The following RIMS2 variants were observed in gnomAD, a reference collection of about 807,000 sequenced individuals.
The protein encoded by RIMS2 is regulating synaptic membrane exocytosis 2.
Under a neutral mutation model 174.4 loss-of-function variants are expected in RIMS2, and 59 were observed. The ratio of observed to expected loss-of-function variants is 0.34; its 90% CI spans 0.27 to 0.42. The LOEUF (loss-of-function observed/expected upper bound fraction) is 0.42, where lower values mean the gene tolerates loss of function less well. RIMS2 is among the 10% of genes least tolerant of loss of function. RIMS2 has a pLI of 1.00. For missense variants in RIMS2, 1,620 were observed against 1,666.3 expected (o/e 0.97, Z 0.48); for synonymous variants, 606 against 572.5 (o/e 1.06, Z -0.84).
intron 16 of RIMS2, among the ~76,000 whole-genome samples, chr8:103,978,733 T>G (rs78686764): frequency 0.029 from 4,415 of 152,214 alleles, 89 homozygotes; most frequent in Non-Finnish European, 0.041. Flanking sequence ...AAGAAAGAAA[T>G]AAACAATTGT....
At chr8:103,972,244 A>T (rs944242620) in intron 15 of RIMS2, among the ~76,000 whole-genome samples, 1 of 152,096 alleles carries the variant, frequency 6.6e-6, no homozygotes, top group Non-Finnish European at 1.5e-5. Flanking sequence ...CCACCAAACC[A>T]TGTCATTTGA....
At chr8:103,961,877 C>A (rs1051142857) in intron 15 of RIMS2, among the ~76,000 whole-genome samples, 1 of 152,048 alleles carries the variant, frequency 6.6e-6, no homozygotes, top group East Asian at 1.9e-4. Context: ...AGTTAGCATG[C>A]CTTTATCAGT....
At chr8:104,147,927 C>T (rs1411603787) in intron 19 of RIMS2, among the ~76,000 whole-genome samples, 1 of 152,156 alleles carries the variant, frequency 6.6e-6, no homozygotes, top group Non-Finnish European at 1.5e-5. Flanking sequence ...GGCACACTGT[C>T]TGGAAAACTG....
intron 1 of RIMS2, among the ~76,000 whole-genome samples, chr8:103,624,486 T>C (rs887745221): frequency 6.6e-6 from 1 of 152,206 alleles, no homozygotes. Context: ...TTAGCCTCCA[T>C]AATCATGTGA....
At chr8:103,844,159 C>A (rs1032561659) in intron 3 of RIMS2, among the ~76,000 whole-genome samples, 1 of 152,204 alleles carries the variant, frequency 6.6e-6, no homozygotes, top group Non-Finnish European at 1.5e-5. Flanking sequence ...AAACCTCTTT[C>A]CTTTGTAAAT....
At chr8:103,759,445 G>A (rs1242983895) in intron 2 of RIMS2, among the ~76,000 whole-genome samples, 3 of 151,530 alleles carry the variant, frequency 2.0e-5, no homozygotes, top group East Asian at 1.9e-4. Flanking sequence ...GGCGCCTGTA[G>A]TCCCAGCTAC....
chr8:103,959,261 C>G (rs2088885868), intron 14 of RIMS2, among the ~76,000 whole-genome samples: 1 of 152,048 alleles, frequency 6.6e-6, no homozygotes, highest in South Asian at 2.1e-4. Context: ...GACAATATCT[C>G]AAAAATGCAC....
At chr8:103,528,860 G>T (rs1051031462) in intron 1 of RIMS2, among the ~76,000 whole-genome samples, 11 of 152,110 alleles carry the variant, frequency 7.2e-5, no homozygotes, top group Non-Finnish European at 1.2e-4. Flanking sequence ...GCTTAGGATT[G>T]ACTTAGCAAT....
At chr8:103,666,188 G>A (rs896351629) in intron 1 of RIMS2, among the ~76,000 whole-genome samples, 1 of 152,180 alleles carries the variant, frequency 6.6e-6, no homozygotes, top group African/African-American at 2.4e-5. Context: ...GGAATAGCTG[G>A]ATGTGTTGCA....
chr8:103,661,254 A>G (rs953618217), intron 1 of RIMS2, among the ~76,000 whole-genome samples: 35 of 152,172 alleles, frequency 2.3e-4, no homozygotes, highest in African/African-American at 8.0e-4. Context: ...TGAATATACC[A>G]CATTTTATTG....
intron 3 of RIMS2, among the ~76,000 whole-genome samples, chr8:103,775,330 G>A (rs562506503): frequency 6.6e-6 from 1 of 152,048 alleles, no homozygotes; most frequent in African/African-American, 2.4e-5. Flanking sequence ...TCAAAGTATG[G>A]TTAAGAAAGA....
chr8:103,989,802 CTT>C (rs2094572729), intron 17 of RIMS2, among the ~76,000 whole-genome samples: 1 of 152,054 alleles, frequency 6.6e-6, no homozygotes, highest in African/African-American at 2.4e-5. Flanking sequence ...ATTTTAAAGT[CTT>C]TTACATTCAT....
chr8:103,668,751 G>T (rs1480752744), intron 1 of RIMS2, among the ~76,000 whole-genome samples: 2 of 151,886 alleles, frequency 1.3e-5, no homozygotes, highest in Admixed American at 1.3e-4. Flanking sequence ...CACAGTTGTA[G>T]CTCAGTGTAG....
intron 19 of RIMS2, among the ~76,000 whole-genome samples, chr8:104,130,399 C>T (rs775210460): frequency 6.6e-5 from 10 of 152,114 alleles, no homozygotes; most frequent in Non-Finnish European, 1.0e-4. Context: ...AGTAAAAATA[C>T]CCAAAATGAA....
intron 1 of RIMS2, among the ~76,000 whole-genome samples, chr8:103,653,623 A>G (rs1160589139): frequency 6.6e-6 from 1 of 152,146 alleles, no homozygotes; most frequent in East Asian, 1.9e-4. Context: ...ACTCAGAAAA[A>G]CATTCATATT....
chr8:103,681,931 G>A (rs1455740607), intron 1 of RIMS2, among the ~76,000 whole-genome samples: 1 of 152,008 alleles, frequency 6.6e-6, no homozygotes, highest in Non-Finnish European at 1.5e-5. Flanking sequence ...ACAAGTGGAA[G>A]GATTCAAAGC....
intron 19 of RIMS2, among the ~76,000 whole-genome samples, chr8:104,039,197 C>T (rs1225231634): frequency 1.3e-5 from 2 of 151,674 alleles, no homozygotes; most frequent in South Asian, 2.1e-4. Context: ...CCAGTTCAGG[C>T]GTCACCATGA....
chr8:104,136,769 G>A (rs1006961266), intron 19 of RIMS2, among the ~76,000 whole-genome samples: 1 of 152,098 alleles, frequency 6.6e-6, no homozygotes, highest in Admixed American at 6.6e-5. Context: ...GACACAGAGA[G>A]GGGAACAAGA....
intron 2 of RIMS2, among the ~76,000 whole-genome samples, chr8:103,747,055 C>G (rs2097827758): frequency 6.7e-6 from 1 of 149,832 alleles, no homozygotes; most frequent in Non-Finnish European, 1.5e-5. Context: ...CATGTCCCTG[C>G]AAAGGACATG....
Sources: allele counts gnomAD v4.1 joint callset (sites outside exome capture counted in the v4.1 genomes callset), GRCh38; gene constraint gnomAD v4.1.1; transcripts MANE v1.5; gene names NCBI Gene and HGNC (gene_info 2026-07-23, HGNC 2026-07-21).